The following PAX5 variants were observed in gnomAD, a reference collection of about 807,000 sequenced individuals.
PAX5 encodes the protein paired box 5, also known as paired box protein Pax-5.
PAX5 carries 9 observed loss-of-function variants against 43.7 expected under a neutral mutation model. The observed-to-expected ratio is 0.21, with a 90% CI of 0.12 to 0.36. PAX5 has a LOEUF of 0.36. Among genes scored for constraint, PAX5 ranks in the 10% least tolerant of loss-of-function variants. The probability of loss-of-function intolerance (pLI) is 1.00; values close to 1 mark genes in which losing one functional copy is unlikely to be tolerated. For missense variants in PAX5, 383 were observed against 532.7 expected (o/e 0.72, Z 2.77); for synonymous variants, 228 against 214.3 (o/e 1.06, Z -0.56).
Position 36,913,651 on chromosome 9 carries a change from C to T in PAX5, c.910+9704G>A, listed in dbSNP as rs187185305. On this transcript the variant is annotated intron_variant, in intron 7 of 9. Transcript: ENST00000358127. Reference sequence around the variant, plus strand: ...GGTGAGCAGTTTCAGAACTGTGGCCCTAGCTGGTAGAGCAGGTGTTTAACT... The same window carrying T: ...GGTGAGCAGTTTCAGAACTGTGGCCTTAGCTGGTAGAGCAGGTGTTTAACT... 6.4e-4 allele frequency among the ~76,000 whole-genome samples: 97 copies of T among 152,346 alleles called. 2 individuals carry two copies. Among genetic ancestry groups the T allele is most frequent in the Non-Finnish European group, 4.4e-5 (3 of 68,030 alleles).
intron 7 of PAX5, among the ~76,000 whole-genome samples, chr9:36,893,055 A>G (rs1377206922): frequency 6.6e-6 from 1 of 152,176 alleles, no homozygotes; most frequent in Non-Finnish European, 1.5e-5. Flanking sequence ...ATTTTTCTGT[A>G]TGGCTTGAAT....
chr9:36,984,905 C>T (rs1270796545), intron 5 of PAX5, among the ~76,000 whole-genome samples: 1 of 152,208 alleles, frequency 6.6e-6, no homozygotes, highest in Non-Finnish European at 1.5e-5. Context: ...CACTATAAAG[C>T]CAAAGAGAGC....
At chr9:36,955,111 T>A (rs1057153485) in intron 6 of PAX5, among the ~76,000 whole-genome samples, 8 of 152,224 alleles carry the variant, frequency 5.3e-5, no homozygotes, top group Non-Finnish European at 1.0e-4. Context: ...GGCATTTTAT[T>A]CTTTTATAAT....
chr9:36,930,056 A>G (rs1042266617), intron 6 of PAX5, among the ~76,000 whole-genome samples: 3 of 151,596 alleles, frequency 2.0e-5, no homozygotes, highest in African/African-American at 7.3e-5. Context: ...CCTCAAGGTC[A>G]AGACCACCAG....
chr9:36,971,625 CT>C (rs541342226), intron 5 of PAX5, among the ~76,000 whole-genome samples: 41 of 152,192 alleles, frequency 2.7e-4, no homozygotes, highest in South Asian at 6.2e-4. Context: ...ATCTTTAAAT[CT>C]TTTTTTTCTA....
intron 3 of PAX5, among the ~76,000 whole-genome samples, chr9:37,008,965 G>A (rs1014528103): frequency 2.6e-5 from 4 of 152,124 alleles, no homozygotes; most frequent in Admixed American, 6.5e-5. Flanking sequence ...CTGTGTGTAT[G>A]TGTCTACAGA....
intron 5 of PAX5, among the ~76,000 whole-genome samples, chr9:36,968,938 C>T (rs148983313): frequency 3.9e-4 from 59 of 152,306 alleles, no homozygotes; most frequent in African/African-American, 9.6e-4. Flanking sequence ...CACATGCACA[C>T]GCACACGCAC....
chr9:36,972,653 G>C (rs904592331), intron 5 of PAX5, among the ~76,000 whole-genome samples: 2 of 152,188 alleles, frequency 1.3e-5, no homozygotes, highest in African/African-American at 4.8e-5. Context: ...GTTGGGGGTG[G>C]TGGGAGTGCT....
chr9:36,989,770 C>T (rs1194361377), intron 5 of PAX5, among the ~76,000 whole-genome samples: 2 of 152,230 alleles, frequency 1.3e-5, no homozygotes, highest in African/African-American at 4.8e-5. Flanking sequence ...CTGTGTTCTG[C>T]TCAGCAGCCT....
At chr9:36,926,737 G>A (rs1286340161) in intron 6 of PAX5, among the ~76,000 whole-genome samples, 3 of 152,142 alleles carry the variant, frequency 2.0e-5, no homozygotes, top group Admixed American at 1.3e-4. Flanking sequence ...CTGTGTTCCC[G>A]AATGCCCTAG....
intron 6 of PAX5, among the ~76,000 whole-genome samples, chr9:36,945,531 G>A (rs1832420480): frequency 6.6e-6 from 1 of 152,228 alleles, no homozygotes; most frequent in African/African-American, 2.4e-5. Context: ...GTAAGCCACT[G>A]TACCCATACC....
intron 6 of PAX5, among the ~76,000 whole-genome samples, chr9:36,930,216 C>CT (rs144710055): frequency 0.043 from 3,650 of 85,500 alleles, 130 homozygotes; most frequent in Non-Finnish European, 0.056. Flanking sequence ...GATGGATGTC[C>CT]TTTTTTTTTT....
At chr9:36,855,859 T>C (rs1823621950) in intron 8 of PAX5, among the ~76,000 whole-genome samples, 1 of 152,184 alleles carries the variant, frequency 6.6e-6, no homozygotes, top group Non-Finnish European at 1.5e-5. Flanking sequence ...CCCTTCCTCA[T>C]GTCCAATTCT....
chr9:37,000,599 A>T (rs1837762417), intron 5 of PAX5, among the ~76,000 whole-genome samples: 1 of 148,150 alleles, frequency 6.7e-6, no homozygotes, highest in Admixed American at 6.6e-5. Context: ...TTTATTAAGA[A>T]AAAAATTTTA....
chr9:36,997,534 A>C (rs1432364127), intron 5 of PAX5, among the ~76,000 whole-genome samples: 1 of 152,196 alleles, frequency 6.6e-6, no homozygotes, highest in African/African-American at 2.4e-5. Context: ...GCCGCTATTC[A>C]CAGCCCTGCC....
chr9:36,929,545 C>G (rs1478332877), intron 6 of PAX5, among the ~76,000 whole-genome samples: 12 of 152,212 alleles, frequency 7.9e-5, no homozygotes, highest in Non-Finnish European at 1.8e-4. Flanking sequence ...ACATTTCCTA[C>G]TTTTTCTGAG....
rs7042761 is a variant in PAX5, at chr9:36,938,192, T to C, written c.781-14708A>G. Among the ~76,000 whole-genome samples the C allele has an allele frequency of 1.1e-4, 16 of 152,280 alleles. 2 individuals are homozygous for C. The South Asian group carries it at 1.7e-3, about 16-fold the overall frequency. On this transcript the variant is annotated intron_variant, in intron 6 of 9. Coordinates refer to ENST00000358127, the MANE Select transcript of PAX5 (RefSeq NM_016734.3). ...GAGCTTCTGCTTTTAATTACGGAAA[T>C]ATATTTGCATTTTGTGGTTATGTGT... is the stretch of plus-strand genomic sequence containing the variant.
chr9:36,870,341 C>T (rs1307398654), intron 8 of PAX5, among the ~76,000 whole-genome samples: 7 of 152,190 alleles, frequency 4.6e-5, no homozygotes, highest in Non-Finnish European at 1.0e-4. Context: ...TGATACTTTT[C>T]ACTCTAAAAA....
Position 36,835,987 on chromosome 9 carries a change from G to A in PAX5, c.*4573C>T, listed in dbSNP as rs749652970. 4.3e-6 allele frequency: 1 copy of A among 233,364 alleles called. No individual in the cohort carries two copies. Among genetic ancestry groups the A allele is most frequent in the Non-Finnish European group, 8.5e-6 (1 of 118,206 alleles). 14.5% of individuals were successfully genotyped at this position (233,364 alleles called of 1,614,324 possible). On this transcript the variant is annotated 3_prime_UTR_variant, in exon 10 of 10. Transcript: ENST00000358127. ...AGGGCTGTGTCAGGGTGCTTGGTTG[G>A]TTTTTAAGATTTGCTTCCCTGGCTT...
Sources: allele counts gnomAD v4.1 joint callset (sites outside exome capture counted in the v4.1 genomes callset), GRCh38; gene constraint gnomAD v4.1.1; transcripts MANE v1.5; gene names NCBI Gene and HGNC (gene_info 2026-07-23, HGNC 2026-07-21).